CTNNA3: variants seen among roughly 807,000 people sequenced by gnomAD.
CTNNA3 encodes catenin alpha-3.
Under a neutral mutation model 95.7 loss-of-function variants are expected in CTNNA3, and 76 were observed. The ratio of observed to expected loss-of-function variants is 0.79; its 90% CI spans 0.66 to 0.96. The LOEUF is 0.96. Among genes scored for constraint, CTNNA3 ranks in the 40% least tolerant of loss-of-function variants. CTNNA3 has a pLI of 0.00. For synonymous variants in CTNNA3, 431 were observed against 374.4 expected, an observed-to-expected ratio of 1.15 and a Z score of -1.74; for missense variants, 1,191 against 1,089.8, an observed-to-expected ratio of 1.09 and a Z score of -1.31.
At chr10:66,417,860 A>C (rs984507904) in intron 11 of CTNNA3, among the ~76,000 whole-genome samples, 1 of 151,956 alleles carries the variant, frequency 6.6e-6, no homozygotes, top group Admixed American at 6.6e-5. Flanking sequence ...GGATACAGCT[A>C]AAGTAGTACT....
intron 9 of CTNNA3, among the ~76,000 whole-genome samples, chr10:66,765,954 A>C (rs1839831053): frequency 2.6e-5 from 4 of 152,196 alleles, no homozygotes; most frequent in Admixed American, 1.3e-4. Flanking sequence ...ATAAAATAAT[A>C]TGTGATAGAG....
chr10:67,618,642 T>C (rs1488020595), intron 2 of CTNNA3, among the ~76,000 whole-genome samples: 13 of 152,200 alleles, frequency 8.5e-5, no homozygotes, highest in Non-Finnish European at 1.8e-4. Context: ...TTGCTCATCA[T>C]GATGAATATG....
intron 12 of CTNNA3, among the ~76,000 whole-genome samples, chr10:66,349,755 TA>T (rs1246680347): frequency 2.0e-5 from 3 of 152,094 alleles, no homozygotes; most frequent in African/African-American, 7.2e-5. Flanking sequence ...TGTACAAGAA[TA>T]ATGTTGAAAT....
At chr10:67,102,358 G>A (rs61200624) in intron 7 of CTNNA3, among the ~76,000 whole-genome samples, 93,854 of 151,114 alleles carry the variant, frequency 0.62, 30,289 homozygotes, top group African/African-American at 0.81. Flanking sequence ...ACACACACAC[G>A]CACATCAAAG....
intron 7 of CTNNA3, among the ~76,000 whole-genome samples, chr10:67,007,280 A>C (rs1214732554): frequency 1.3e-5 from 2 of 152,186 alleles, no homozygotes; most frequent in Non-Finnish European, 2.9e-5. Flanking sequence ...CCAAGGAATT[A>C]ACAAATTGGC....
chr10:65,994,718 C>CTA (rs1373566149), intron 15 of CTNNA3, among the ~76,000 whole-genome samples: 1 of 152,036 alleles, frequency 6.6e-6, no homozygotes, highest in Non-Finnish European at 1.5e-5. Context: ...TTTAAGTTTC[C>CTA]AGGCATCATT....
chr10:66,920,740 G>A (rs1276379381), intron 7 of CTNNA3, among the ~76,000 whole-genome samples: 7 of 152,192 alleles, frequency 4.6e-5, no homozygotes, highest in Non-Finnish European at 1.0e-4. Context: ...CTCACAAAAT[G>A]TGACCCACGA....
intron 7 of CTNNA3, among the ~76,000 whole-genome samples, chr10:66,810,789 C>A (rs1341701448): frequency 6.6e-6 from 1 of 152,180 alleles, no homozygotes; most frequent in African/African-American, 2.4e-5. Context: ...CATCCCATAG[C>A]TAATCAGCCT....
intron 7 of CTNNA3, among the ~76,000 whole-genome samples, chr10:66,922,957 AC>A (rs1303687058): frequency 2.0e-5 from 3 of 152,182 alleles, no homozygotes; most frequent in South Asian, 2.1e-4. Flanking sequence ...TGTATAAAAA[AC>A]AATCCAATTA....
At chr10:66,250,508 G>A (rs1421847226) in intron 13 of CTNNA3, among the ~76,000 whole-genome samples, 1 of 152,092 alleles carries the variant, frequency 6.6e-6, no homozygotes, top group Non-Finnish European at 1.5e-5. Flanking sequence ...GGCATTACAT[G>A]CCTATATCAA....
At chr10:67,356,742 T>C (rs1198251664) in intron 5 of CTNNA3, among the ~76,000 whole-genome samples, 1 of 152,102 alleles carries the variant, frequency 6.6e-6, no homozygotes, top group Non-Finnish European at 1.5e-5. Context: ...CATTGCCTCC[T>C]TACTTAGCTT....
chr10:67,598,477 C>T (rs1385141409), intron 3 of CTNNA3, among the ~76,000 whole-genome samples: 1 of 152,056 alleles, frequency 6.6e-6, no homozygotes, highest in African/African-American at 2.4e-5. Flanking sequence ...CTTCCAACCA[C>T]TTTCAATGCC....
chr10:67,507,779 T>C (rs1431092854), intron 5 of CTNNA3, among the ~76,000 whole-genome samples: 1 of 151,900 alleles, frequency 6.6e-6, no homozygotes, highest in Non-Finnish European at 1.5e-5. Flanking sequence ...GAAAAGAAAA[T>C]TACAGGCCAA....
intron 9 of CTNNA3, among the ~76,000 whole-genome samples, chr10:66,749,157 T>G (rs1839016868): frequency 7.3e-6 from 1 of 137,870 alleles, no homozygotes; most frequent in Non-Finnish European, 1.5e-5. Context: ...GAGCCAAGAT[T>G]GTGCCGCTGC....
intron 10 of CTNNA3, among the ~76,000 whole-genome samples, chr10:66,569,317 A>C (rs1842799826): frequency 6.6e-6 from 1 of 152,174 alleles, no homozygotes; most frequent in African/African-American, 2.4e-5. Flanking sequence ...CATTGGGACA[A>C]ACATTATCAA....
chr10:66,833,045 A>G (rs1195580630), intron 7 of CTNNA3, among the ~76,000 whole-genome samples: 1 of 152,202 alleles, frequency 6.6e-6, no homozygotes, highest in Non-Finnish European at 1.5e-5. Flanking sequence ...ACTCTAAAAG[A>G]AGAATTTTAT....
At chr10:67,272,395 A>T (rs540704388) in intron 5 of CTNNA3, among the ~76,000 whole-genome samples, 31 of 152,174 alleles carry the variant, frequency 2.0e-4, no homozygotes, top group African/African-American at 7.2e-4. Context: ...CTACAAAAAA[A>T]TACAAAAATT....
intron 7 of CTNNA3, among the ~76,000 whole-genome samples, chr10:66,936,038 G>A (rs1033145584): frequency 3.9e-5 from 6 of 152,094 alleles, no homozygotes; most frequent in Non-Finnish European, 1.5e-5. Flanking sequence ...CTTCCAGCCT[G>A]TGGCACCCAC....
intron 5 of CTNNA3, among the ~76,000 whole-genome samples, chr10:67,407,045 G>T (rs1316118829): frequency 6.6e-6 from 1 of 152,026 alleles, no homozygotes; most frequent in Non-Finnish European, 1.5e-5. Context: ...TGAAAAGCAG[G>T]GACTCCCCCA....
Sources: allele counts gnomAD v4.1 joint callset (sites outside exome capture counted in the v4.1 genomes callset), GRCh38; gene constraint gnomAD v4.1.1; transcripts MANE v1.5; gene names NCBI Gene and HGNC (gene_info 2026-07-23, HGNC 2026-07-21).